The following ATP8A2 variants were observed in gnomAD, a reference collection of about 807,000 sequenced individuals.
The protein encoded by ATP8A2 is phospholipid-transporting ATPase IB.
A neutral mutation model predicts 165.6 loss-of-function variants in ATP8A2; 100 were observed. The ratio of observed to expected loss-of-function variants is 0.60; its 90% CI spans 0.51 to 0.71. The LOEUF is 0.71. ATP8A2 is among the 30% of genes least tolerant of loss of function. The probability of loss-of-function intolerance (pLI) is 0.00; values close to 1 mark genes in which losing one functional copy is unlikely to be tolerated. For synonymous variants in ATP8A2, 543 were observed against 548.8 expected (o/e 0.99, Z 0.15); for missense variants, 1,227 against 1,479.5 (o/e 0.83, Z 2.80).
intron 33 of ATP8A2, among the ~76,000 whole-genome samples, chr13:25,947,925 A>G (rs1161767617): frequency 4.6e-5 from 7 of 152,138 alleles, no homozygotes. Context: ...AGATAAGAGA[A>G]CATCATGCTT....
At chr13:25,687,978 T>C (rs1186406479) in intron 24 of ATP8A2, among the ~76,000 whole-genome samples, 2 of 152,124 alleles carry the variant, frequency 1.3e-5, no homozygotes, top group African/African-American at 2.4e-5. Context: ...GTCCAAGTGC[T>C]TCCTCCCAGC....
intron 27 of ATP8A2, among the ~76,000 whole-genome samples, chr13:25,780,202 A>G (rs980260342): frequency 1.3e-5 from 2 of 151,814 alleles, no homozygotes; most frequent in Admixed American, 1.3e-4. Context: ...GGTATAACAT[A>G]AGGAAGATAT....
chr13:25,623,275 AGT>A (rs1401519453), intron 24 of ATP8A2, among the ~76,000 whole-genome samples: 2 of 152,184 alleles, frequency 1.3e-5, no homozygotes, highest in East Asian at 3.9e-4. Context: ...GTGAGCCTGT[AGT>A]GCCAGCTACT....
chr13:25,704,121 A>G (rs2043006224), intron 25 of ATP8A2, among the ~76,000 whole-genome samples: 1 of 152,180 alleles, frequency 6.6e-6, no homozygotes, highest in South Asian at 2.1e-4. Flanking sequence ...TGTTTGTGGA[A>G]AGAAAAATAA....
chr13:25,533,409 C>T (rs1411184218), intron 6 of ATP8A2, 96 bp downstream of exon 6: 4 of 703,258 alleles, frequency 5.7e-6, no homozygotes, highest in Non-Finnish European at 9.8e-6. Context: ...CTGTTAGACA[C>T]AGTAGAGTTT....
intron 27 of ATP8A2, among the ~76,000 whole-genome samples, chr13:25,824,022 G>A (rs1482491945): frequency 2.0e-5 from 3 of 152,112 alleles, no homozygotes; most frequent in Non-Finnish European, 4.4e-5. Flanking sequence ...CCAGGCTGGG[G>A]TGCAGTGGTG....
rs181073126 is a variant in ATP8A2, at chr13:25,756,231, G to A, written c.2385-12815G>A. 2.9e-3 allele frequency among the ~76,000 whole-genome samples: 442 copies of A among 151,774 alleles called. 2 individuals carry two copies. The highest frequency in any genetic ancestry group is 5.6e-3 in the South Asian group (27 of 4,804). ...TTCATCCATCTTTATCATTTATTCA[G>A]TTTTCATGGTTATCTTGTGAAGCAG... On this transcript the variant is annotated intron_variant, in intron 25 of 36. Coordinates refer to ENST00000381655, the MANE Select transcript of ATP8A2 (RefSeq NM_016529.6).
chr13:25,474,985 AATTTTTGT>A, intron 2 of ATP8A2, among the ~76,000 whole-genome samples: 1 of 151,910 alleles, frequency 6.6e-6, no homozygotes, highest in Non-Finnish European at 1.5e-5. Flanking sequence ...ATGCCTGGCT[AATTTTTGT>A]ATTTTTAGTA....
At chr13:25,805,209 C>A (rs1419196525) in intron 27 of ATP8A2, among the ~76,000 whole-genome samples, 1 of 151,518 alleles carries the variant, frequency 6.6e-6, no homozygotes, top group African/African-American at 2.4e-5. Context: ...TTTCCTTCTA[C>A]CTTTTATTTA....
At position 25,889,341 on chromosome 13, in the gene ATP8A2, C is replaced by T. The variant is rs191586275; in HGVS notation, c.3183+26933C>T. On this transcript the variant is annotated intron_variant, in intron 33 of 36. Coordinates refer to ENST00000381655, the MANE Select transcript of ATP8A2 (RefSeq NM_016529.6). ...CTTGTATTGAAAGGATTGAAAATCC[C>T]CTAGGTGAAGGTTTGTATTAATACT... Among the ~76,000 whole-genome samples the T allele has an allele frequency of 3.0e-3, 452 of 148,342 alleles. 2 individuals are homozygous for T. The highest frequency in any genetic ancestry group is 0.011 in the African/African-American group (436 of 39,968).
intron 24 of ATP8A2, among the ~76,000 whole-genome samples, chr13:25,672,502 T>A (rs749886826): frequency 2.0e-4 from 31 of 152,116 alleles, no homozygotes; most frequent in Non-Finnish European, 4.0e-4. Context: ...GCAAGGGGAG[T>A]TCAATTCAAA....
chr13:25,680,294 G>C (rs570612768), intron 24 of ATP8A2, among the ~76,000 whole-genome samples: 1 of 152,224 alleles, frequency 6.6e-6, no homozygotes, highest in South Asian at 2.1e-4. Flanking sequence ...ACACATATAG[G>C]GAGATCACCA....
At chr13:25,672,905 G>T (rs2042297121) in intron 24 of ATP8A2, among the ~76,000 whole-genome samples, 1 of 152,190 alleles carries the variant, frequency 6.6e-6, no homozygotes, top group African/African-American at 2.4e-5. Context: ...AGTGGGAGTG[G>T]GCAGGCTTTG....
intron 25 of ATP8A2, among the ~76,000 whole-genome samples, chr13:25,738,569 G>A (rs927851658): frequency 3.3e-5 from 5 of 152,330 alleles, no homozygotes; most frequent in Admixed American, 3.3e-4. Context: ...GTGAAGGGTG[G>A]GAAGGGGCCT....
chr13:25,513,491 G>C (rs894004690), intron 2 of ATP8A2, among the ~76,000 whole-genome samples: 2 of 151,752 alleles, frequency 1.3e-5, no homozygotes, highest in Non-Finnish European at 2.9e-5. Flanking sequence ...GCCAGGCAGA[G>C]GGGCTCCTCA....
intron 27 of ATP8A2, among the ~76,000 whole-genome samples, chr13:25,827,733 C>A (rs1043351011): frequency 6.6e-6 from 1 of 152,178 alleles, no homozygotes; most frequent in Non-Finnish European, 1.5e-5. Flanking sequence ...ATTTATATCT[C>A]TTTGAAAGTC....
At chr13:25,544,001 T>G (rs965341873) in intron 10 of ATP8A2, among the ~76,000 whole-genome samples, 1 of 152,282 alleles carries the variant, frequency 6.6e-6, no homozygotes, top group Non-Finnish European at 1.5e-5. Flanking sequence ...TTGGTATCAC[T>G]TGGCATCTTA....
intron 1 of ATP8A2, among the ~76,000 whole-genome samples, chr13:25,375,665 C>T (rs928636098): frequency 1.3e-5 from 2 of 150,166 alleles, no homozygotes; most frequent in Admixed American, 1.3e-4. Context: ...CTCCGCCTCC[C>T]GGGTTCAAGC....
chr13:25,420,995 C>G (rs2034283362), intron 1 of ATP8A2, among the ~76,000 whole-genome samples: 1 of 152,158 alleles, frequency 6.6e-6, no homozygotes, highest in Non-Finnish European at 1.5e-5. Context: ...CATGCCTTCC[C>G]TTTATTTCTA....
Sources: allele counts gnomAD v4.1 joint callset (sites outside exome capture counted in the v4.1 genomes callset), GRCh38; gene constraint gnomAD v4.1.1; transcripts MANE v1.5; gene names NCBI Gene and HGNC (gene_info 2026-07-23, HGNC 2026-07-21).